Variants in SORCS3 observed in about 807,000 individuals in gnomAD.
The protein encoded by SORCS3 is sortilin related VPS10 domain containing receptor 3, also known as VPS10 domain-containing receptor SorCS3.
In SORCS3, 57 loss-of-function variants were observed where a neutral mutation model predicts 146.3. The ratio of observed to expected loss-of-function variants is 0.39; its 90% CI spans 0.31 to 0.49. The LOEUF (loss-of-function observed/expected upper bound fraction) is 0.49. Among genes scored for constraint, SORCS3 ranks in the 20% least tolerant of loss-of-function variants. The pLI is 0.92. For missense variants in SORCS3, 1,341 were observed against 1,575.5 expected, an observed-to-expected ratio of 0.85 and a Z score of 2.52; for synonymous variants, 653 against 618.5, an observed-to-expected ratio of 1.06 and a Z score of -0.83.
chr10:105,171,416 A>G (rs1056678477), intron 13 of SORCS3, among the ~76,000 whole-genome samples: 4 of 152,150 alleles, frequency 2.6e-5, no homozygotes, highest in Non-Finnish European at 1.5e-5. Flanking sequence ...AAAACTCACA[A>G]TCGGCAGAGC....
At chr10:104,782,372 G>A (rs549605429) in intron 1 of SORCS3, among the ~76,000 whole-genome samples, 3 of 152,250 alleles carry the variant, frequency 2.0e-5, no homozygotes, top group South Asian at 4.2e-4. Flanking sequence ...GAAATGGGCA[G>A]TGGTCTGCCC....
intron 7 of SORCS3, among the ~76,000 whole-genome samples, chr10:105,113,740 A>G (rs2055874162): frequency 6.6e-6 from 1 of 152,200 alleles, no homozygotes; most frequent in Non-Finnish European, 1.5e-5. Context: ...AGCTGGAGAT[A>G]TACAGAAAGC....
chr10:104,860,517 C>T (rs2491382), intron 2 of SORCS3, among the ~76,000 whole-genome samples: 124,797 of 148,930 alleles, frequency 0.84, 52,755 homozygotes, highest in East Asian at 0.97. Context: ...CATGTATACA[C>T]ATGTAACTAA....
At chr10:104,894,580 G>A (rs1252242178) in intron 2 of SORCS3, among the ~76,000 whole-genome samples, 2 of 152,184 alleles carry the variant, frequency 1.3e-5, no homozygotes, top group Admixed American at 1.3e-4. Flanking sequence ...AGGCAGCCTG[G>A]CAGGCAGCTG....
At chr10:105,080,233 T>G (rs953411224) in intron 5 of SORCS3, among the ~76,000 whole-genome samples, 10 of 152,234 alleles carry the variant, frequency 6.6e-5, no homozygotes, top group African/African-American at 1.9e-4. Flanking sequence ...ATTTTTTGAC[T>G]TTTTAATAAT....
chr10:104,788,128 T>C (rs2017458723), intron 1 of SORCS3, among the ~76,000 whole-genome samples: 2 of 152,202 alleles, frequency 1.3e-5, no homozygotes, highest in East Asian at 1.9e-4. Flanking sequence ...CAGAGATGCA[T>C]GTTCTCTCTC....
chr10:104,857,633 T>G (rs1267157746), intron 2 of SORCS3, among the ~76,000 whole-genome samples: 1 of 152,118 alleles, frequency 6.6e-6, no homozygotes, highest in Non-Finnish European at 1.5e-5. Flanking sequence ...AAACAAAAAC[T>G]TTTCCCCCCA....
chr10:105,019,012 G>A (rs1393423578), intron 4 of SORCS3, among the ~76,000 whole-genome samples: 1 of 151,828 alleles, frequency 6.6e-6, no homozygotes, highest in Admixed American at 6.6e-5. Context: ...ATTATATCTG[G>A]CTGTCCTATC....
chr10:104,858,658 G>C (rs1368112204), intron 2 of SORCS3, among the ~76,000 whole-genome samples: 1 of 146,922 alleles, frequency 6.8e-6, no homozygotes, highest in East Asian at 2.0e-4. Flanking sequence ...GTCTCGCTCT[G>C]TCGCCCAGGC....
intron 22 of SORCS3, among the ~76,000 whole-genome samples, chr10:105,249,940 A>G (rs879692397): frequency 5.9e-5 from 9 of 152,096 alleles, no homozygotes; most frequent in Non-Finnish European, 1.0e-4. Flanking sequence ...ACTGTTATGT[A>G]TGCTGTGTTA....
At chr10:104,890,069 A>G (rs778262164) in intron 2 of SORCS3, among the ~76,000 whole-genome samples, 3 of 152,098 alleles carry the variant, frequency 2.0e-5, no homozygotes, top group South Asian at 2.1e-4. Flanking sequence ...TCCATTCCAT[A>G]TATCTTTTTT....
chr10:104,965,960 C>T (rs187743468), intron 3 of SORCS3, among the ~76,000 whole-genome samples: 1 of 152,104 alleles, frequency 6.6e-6, no homozygotes, highest in Non-Finnish European at 1.5e-5. Context: ...ATAGGTGAGA[C>T]AGGATATGTA....
Position 105,019,772 on chromosome 10 carries a change from G to T in SORCS3, c.955-23283G>T, listed in dbSNP as rs1367618316. On this transcript the variant is annotated intron_variant, in intron 4 of 26. Coordinates refer to ENST00000369701, the MANE Select transcript of SORCS3 (RefSeq NM_014978.3). Reference sequence around the variant, plus strand: ...GGAGAGAATTTGTCTTATCATCATTGTGACTCTTCCATCACAATACCTTGC... The same window carrying T: ...GGAGAGAATTTGTCTTATCATCATTTTGACTCTTCCATCACAATACCTTGC... Among the ~76,000 whole-genome samples the T allele has an allele frequency of 1.1e-4, 16 of 152,120 alleles. 1 individual carries two copies. The highest frequency in any genetic ancestry group is 6.6e-5 in the Admixed American group (1 of 15,266).
At chr10:105,094,169 A>T (rs2055729677) in intron 6 of SORCS3, among the ~76,000 whole-genome samples, 1 of 152,166 alleles carries the variant, frequency 6.6e-6, no homozygotes, top group African/African-American at 2.4e-5. Flanking sequence ...GACAAACTAT[A>T]TAGATAGAGA....
At chr10:105,220,318 G>A (rs993583378) in intron 19 of SORCS3, among the ~76,000 whole-genome samples, 1 of 152,158 alleles carries the variant, frequency 6.6e-6, no homozygotes, top group African/African-American at 2.4e-5. Flanking sequence ...AACCATGAGT[G>A]ATGGTCTTTC....
intron 20 of SORCS3, among the ~76,000 whole-genome samples, chr10:105,234,980 G>A (rs984010511): frequency 6.6e-6 from 1 of 151,968 alleles, no homozygotes; most frequent in Non-Finnish European, 1.5e-5. Context: ...TAAGTCTTTA[G>A]TAATGTGATG....
intron 1 of SORCS3, among the ~76,000 whole-genome samples, chr10:104,644,136 G>T (rs1408573874): frequency 6.6e-6 from 1 of 152,226 alleles, no homozygotes; most frequent in African/African-American, 2.4e-5. Context: ...GAGCAGTTGG[G>T]CTTGGAGACC....
intron 1 of SORCS3, among the ~76,000 whole-genome samples, chr10:104,750,340 C>T (rs773267523): frequency 1.2e-4 from 19 of 152,188 alleles, no homozygotes; most frequent in Non-Finnish European, 2.2e-4. Context: ...ATCTGAACAA[C>T]TTCCTTGTGG....
intron 4 of SORCS3, among the ~76,000 whole-genome samples, chr10:104,982,457 C>A (rs1180551006): frequency 1.3e-5 from 2 of 152,168 alleles, no homozygotes; most frequent in African/African-American, 4.8e-5. Context: ...GGCTTCCTGT[C>A]TCCTCACCTG....
Sources: allele counts gnomAD v4.1 joint callset (sites outside exome capture counted in the v4.1 genomes callset), GRCh38; gene constraint gnomAD v4.1.1; transcripts MANE v1.5; gene names NCBI Gene and HGNC (gene_info 2026-07-23, HGNC 2026-07-21).